The following ATF2 variants were observed in gnomAD, a reference collection of about 807,000 sequenced individuals.
ATF2 encodes the protein cyclic AMP-dependent transcription factor ATF-2.
In ATF2, 24 loss-of-function variants were observed where a neutral mutation model predicts 60.6. The ratio of observed to expected loss-of-function variants is 0.40; its 90% CI spans 0.29 to 0.56. The LOEUF (loss-of-function observed/expected upper bound fraction) is 0.56. Among genes scored for constraint, ATF2 ranks in the 20% least tolerant of loss-of-function variants. The pLI is 0.54. For synonymous variants in ATF2, 206 were observed against 215.4 expected, an observed-to-expected ratio of 0.96 and a Z score of 0.38; for missense variants, 433 against 607.7, an observed-to-expected ratio of 0.71 and a Z score of 3.02.
intron 2 of ATF2, among the ~76,000 whole-genome samples, chr2:175,137,989 A>C (rs990127917): frequency 6.6e-6 from 1 of 152,158 alleles, no homozygotes; most frequent in Non-Finnish European, 1.5e-5. Context: ...TTTTTATTGC[A>C]GTGTTGCAAA....
At chr2:175,167,430 G>A (rs995346261) in intron 1 of ATF2, among the ~76,000 whole-genome samples, 1 of 151,920 alleles carries the variant, frequency 6.6e-6, no homozygotes, top group African/African-American at 2.4e-5. Flanking sequence ...TGGCGGAAAG[G>A]ACGGAAAAGG....
At chr2:175,119,435 C>T (rs1339585168) in intron 5 of ATF2, among the ~76,000 whole-genome samples, 1 of 151,622 alleles carries the variant, frequency 6.6e-6, no homozygotes, top group Non-Finnish European at 1.5e-5. Flanking sequence ...TATGTCCCCA[C>T]AGAGGGCATT....
At chr2:175,135,764 C>T (rs1559101641) in intron 3 of ATF2, among the ~76,000 whole-genome samples, 1 of 152,078 alleles carries the variant, frequency 6.6e-6, no homozygotes, top group Non-Finnish European at 1.5e-5. Context: ...TTTTAAATTT[C>T]GATTTAAAAG....
chr2:175,160,531 A>C (rs909233058), intron 1 of ATF2, among the ~76,000 whole-genome samples: 1 of 152,252 alleles, frequency 6.6e-6, no homozygotes, highest in African/African-American at 2.4e-5. Flanking sequence ...CAACATCCAT[A>C]TATCAACAAT....
chr2:175,102,157 A>T (rs1695355357), intron 10 of ATF2, among the ~76,000 whole-genome samples: 1 of 152,192 alleles, frequency 6.6e-6, no homozygotes, highest in Admixed American at 6.5e-5. Flanking sequence ...AATGAAAGTC[A>T]ATTAGTCCAA....
intron 10 of ATF2, among the ~76,000 whole-genome samples, chr2:175,107,658 C>T (rs370467275): frequency 3.3e-5 from 5 of 152,218 alleles, no homozygotes; most frequent in African/African-American, 1.2e-4. Flanking sequence ...CTCACTGCAA[C>T]CTCCCTGCCT....
At chr2:175,110,337 A>AAAATAAATAAAT (rs77063696) in intron 10 of ATF2, among the ~76,000 whole-genome samples, 16,852 of 150,758 alleles carry the variant, frequency 0.11, 1,020 homozygotes, top group Admixed American at 0.16. Flanking sequence ...TCCATCTCAA[A>AAAATAAATAAAT]AAATAAATAA....
chr2:175,118,418 C>CCTG, intron 5 of ATF2, 49 bp from the exon 6 acceptor site: 1 of 1,455,128 alleles, frequency 6.9e-7, no homozygotes. Context: ...TATGTTAAGA[C>CCTG]TCTAAAATAT....
chr2:175,082,024 C>G (rs1693792417), intron 12 of ATF2, among the ~76,000 whole-genome samples: 1 of 152,176 alleles, frequency 6.6e-6, no homozygotes, highest in Admixed American at 6.5e-5. Flanking sequence ...TGCCACTGTA[C>G]TCCAGCCTTG....
chr2:175,162,276 C>G (rs1410357131), intron 1 of ATF2, among the ~76,000 whole-genome samples: 1 of 152,172 alleles, frequency 6.6e-6, no homozygotes, highest in African/African-American at 2.4e-5. Context: ...ATATGGCCAA[C>G]TAAATAATTT....
chr2:175,129,193 A>T (rs984595790), intron 4 of ATF2, among the ~76,000 whole-genome samples: 6 of 152,198 alleles, frequency 3.9e-5, no homozygotes, highest in Non-Finnish European at 8.8e-5. Flanking sequence ...AGAAATATTG[A>T]ATTATGTGGA....
intron 2 of ATF2, among the ~76,000 whole-genome samples, chr2:175,140,917 A>G (rs560350752): frequency 1.4e-3 from 193 of 141,006 alleles, no homozygotes; most frequent in Middle Eastern, 4.0e-3. Flanking sequence ...GAATCCCTTG[A>G]GCCTAGGATT....
At chr2:175,108,678 C>A (rs891657860) in intron 10 of ATF2, among the ~76,000 whole-genome samples, 1 of 152,178 alleles carries the variant, frequency 6.6e-6, no homozygotes, top group Admixed American at 6.5e-5. Flanking sequence ...GGGAGGTGTA[C>A]CCAACAGCTC....
chr2:175,112,516 A>C (rs1353755718), intron 9 of ATF2, among the ~76,000 whole-genome samples: 1 of 152,206 alleles, frequency 6.6e-6, no homozygotes, highest in Non-Finnish European at 1.5e-5. Flanking sequence ...TAATCCTAGT[A>C]ATATTCTTGG....
chr2:175,138,862 T>A (rs1420171620), intron 2 of ATF2, among the ~76,000 whole-genome samples: 2 of 152,220 alleles, frequency 1.3e-5, no homozygotes, highest in Non-Finnish European at 2.9e-5. Flanking sequence ...CCCATTCTAC[T>A]GCCTACTACT....
At chr2:175,097,670 C>T (rs1016446734) in intron 10 of ATF2, 77 bp from the exon 11 acceptor site, 6 of 1,503,586 alleles carry the variant, frequency 4.0e-6, no homozygotes, top group Admixed American at 4.0e-5. Flanking sequence ...CAAACAATAG[C>T]ACCTTGGGTA....
chr2:175,104,033 C>T (rs1287600981), intron 10 of ATF2, among the ~76,000 whole-genome samples: 5 of 150,414 alleles, frequency 3.3e-5, no homozygotes, highest in African/African-American at 4.9e-5. Flanking sequence ...AAAATACAAG[C>T]TTACTCTGAA....
intron 10 of ATF2, among the ~76,000 whole-genome samples, chr2:175,104,974 A>C (rs1695553613): frequency 6.6e-6 from 1 of 152,162 alleles, no homozygotes; most frequent in Non-Finnish European, 1.5e-5. Flanking sequence ...TGCTGAGATA[A>C]TCTTAAGTAA....
At chr2:175,127,645 G>A (rs891519233) in intron 4 of ATF2, among the ~76,000 whole-genome samples, 2 of 152,112 alleles carry the variant, frequency 1.3e-5, no homozygotes, top group African/African-American at 2.4e-5. Flanking sequence ...TCCAGCCACA[G>A]TAGTTGCGTT....
Sources: allele counts gnomAD v4.1 joint callset (sites outside exome capture counted in the v4.1 genomes callset), GRCh38; gene constraint gnomAD v4.1.1; transcripts MANE v1.5; gene names NCBI Gene and HGNC (gene_info 2026-07-23, HGNC 2026-07-21).